The following PHRF1 variants were observed in gnomAD, a reference collection of about 807,000 sequenced individuals.
The protein encoded by PHRF1 is PHD and ring finger domains 1.
In PHRF1, 53 loss-of-function variants were observed where a neutral mutation model predicts 128.9. The observed-to-expected ratio is 0.41, with a 90% CI of 0.33 to 0.52. PHRF1 has a LOEUF of 0.52. Ranked by LOEUF, PHRF1 falls within the 20% of genes least tolerant of loss-of-function variation. The probability of loss-of-function intolerance (pLI) is 0.21; values close to 1 mark genes in which losing one functional copy is unlikely to be tolerated. For synonymous variants in PHRF1, 1,178 were observed against 980.6 expected, an observed-to-expected ratio of 1.20 and a Z score of -3.76; for missense variants, 2,503 against 2,284.5, an observed-to-expected ratio of 1.10 and a Z score of -1.95.
chr11:610,389 C>T (rs781534868), intron 15 of PHRF1, 42 bp downstream of exon 15: 7 of 1,536,504 alleles, frequency 4.6e-6, no homozygotes, highest in South Asian at 3.7e-5. Flanking sequence ...TGGGCAGTGG[C>T]CTGGCACCCG....
intron 1 of PHRF1, among the ~76,000 whole-genome samples, chr11:580,870 G>A (rs951031167): frequency 6.6e-6 from 1 of 152,098 alleles, no homozygotes; most frequent in African/African-American, 2.4e-5. Flanking sequence ...TGTATTTTTA[G>A]TAGAGACGGG....
rs2134142410 is a variant in PHRF1 at position 576,570 on chromosome 11, G to C, written c.-44G>C. On this transcript the variant is annotated 5_prime_UTR_variant, in exon 1 of 18. Coordinates refer to ENST00000264555, the MANE Select transcript of PHRF1 (RefSeq NM_001286581.2). ...CAGCGGCGGCGAGCGCTCGCGAGCG[G>C]CTGCGGGACGCGAGGTTTCCGGGTA... 1 of 152,066 alleles carries C rather than the reference G, an allele frequency of 6.6e-6. No individual in the cohort carries two copies. Among genetic ancestry groups the C allele is most frequent in the Non-Finnish European group, 1.5e-5 (1 of 67,838 alleles). The allele number at this position is 152,066 out of a possible 1,614,324, so 9.4% of individuals were successfully genotyped here. A position where few individuals can be genotyped will look rare whatever the true frequency, so the allele number is the denominator to read the frequency against.
At position 587,450 on chromosome 11, in the gene PHRF1, G is replaced by A. The variant is rs1356521012; in HGVS notation, c.406G>A (p.Val136Ile). ...CAHYFCLDCI[V>I]EWSKNANSCP... is the part of the protein sequence containing the mutation. ...CCATTACTTCTGCCTGGACTGCATT[G>A]TCGAATGGTCCAAGGTGAGTTCACC... is the stretch of plus-strand genomic sequence containing the variant. Residue 136 changes from valine to isoleucine, a missense_variant, in exon 4 of 18, where the codon GTC becomes ATC. Physicochemically the swap from Val to Ile is conservative, Grantham distance 29 (BLOSUM62 3). Coordinates refer to ENST00000264555, the MANE Select transcript of PHRF1 (RefSeq NM_001286581.2). 6.2e-7 allele frequency: 1 copy of A among 1,613,258 alleles called. No individual in the cohort carries two copies. Among genetic ancestry groups the A allele is most frequent in the East Asian group, 2.2e-5 (1 of 44,882 alleles).
At position 605,252 on chromosome 11, in the gene PHRF1, C is replaced by T; in HGVS notation, c.1286C>T (p.Ala429Val). 6.2e-7 allele frequency: 1 copy of T among 1,613,682 alleles called. No homozygotes were observed. Among genetic ancestry groups the T allele is most frequent in the Non-Finnish European group, 8.5e-7 (1 of 1,179,878 alleles). Residue 429 changes from alanine (A) to valine (V), a missense_variant, in exon 11 of 18, where the codon GCC (alanine) becomes GTC (valine). Transcript: ENST00000264555. ...LGLLRADIGA[A>V]SLSLFGDPYE... ...CTGCTGAGAGCGGATATTGGAGCTG[C>T]CTCTCTGTCTCTGTTTGGAGATCCT...
chr11:578,722 C>T (rs931612823), intron 1 of PHRF1, among the ~76,000 whole-genome samples: 8 of 152,212 alleles, frequency 5.3e-5, no homozygotes, highest in Admixed American at 3.3e-4. Flanking sequence ...GTTTCCACCA[C>T]ACCTACCTGG....
intron 17 of PHRF1, among the ~76,000 whole-genome samples, 165 bp from the exon 18 acceptor site, chr11:611,469 G>A (rs1856395804): frequency 6.6e-6 from 1 of 152,218 alleles, no homozygotes; most frequent in Admixed American, 6.5e-5. Flanking sequence ...GAACAGGACG[G>A]GGGTCTCACA....
rs775904268 is a variant in PHRF1 at position 581,586 on chromosome 11, C to T, written c.74C>T (p.Ala25Val). 4.9e-5 allele frequency: 79 copies of T among 1,612,668 alleles called. No homozygotes were observed. Among genetic ancestry groups the T allele is most frequent in the Non-Finnish European group, 6.4e-5 (75 of 1,179,636 alleles). ...GPDGHPQVGP[A>V]DPAGDFEESS... ...GATGGACACCCACAGGTCGGCCCTG[C>T]GGACCCGGCAGGTGACTTTGGTGAG... Residue 25 changes from alanine (A) to valine (V), a missense_variant, in exon 2 of 18, where the codon GCG (alanine) becomes GTG (valine). Physicochemically the swap from Ala to Val is moderately conservative, Grantham distance 64 (BLOSUM62 0). Coordinates refer to ENST00000264555, the MANE Select transcript of PHRF1 (RefSeq NM_001286581.2).
Position 608,800 on chromosome 11 carries a change from C to T in PHRF1, c.3344C>T (p.Ala1115Val), listed in dbSNP as rs201121933. Reference protein sequence around the residue: ...ESRKKKKRRSASRPRGRECSP... With the variant: ...ESRKKKKRRSVSRPRGRECSP... ...AGGAAGAAGAAGAAAAGGAGATCAG[C>T]GTCCAGACCTCGGGGAAGGGAGTGC... Residue 1115 changes from alanine (A) to valine (V), a missense_variant, in exon 14 of 18, where the codon GCG becomes GTG. By Grantham distance (64) the Ala-to-Val change is moderately conservative. Transcript: ENST00000264555. 6.5e-5 allele frequency: 104 copies of T among 1,611,850 alleles called. No individual in the cohort carries two copies. The Admixed American group carries it at 1.5e-3, about 22-fold the overall frequency.
At chr11:578,242 G>T (rs1479526025) in intron 1 of PHRF1, among the ~76,000 whole-genome samples, 1 of 152,176 alleles carries the variant, frequency 6.6e-6, no homozygotes, top group Non-Finnish European at 1.5e-5. Context: ...AGGCTTCCTG[G>T]GTTATTTTGT....
In PHRF1 at chr11:611,804, G is replaced by A; in HGVS notation, c.*27G>A. The A allele has an allele frequency of 6.4e-7, 1 of 1,569,784 alleles. No individual in the cohort carries two copies. The highest frequency in any genetic ancestry group is 2.3e-5 in the East Asian group (1 of 42,558). On this transcript the variant is annotated 3_prime_UTR_variant, in exon 18 of 18. Transcript: ENST00000264555. ...GCCAGGCAATCACGGGCTATGCCCGGGGAGCTGTCGGGAGTGGCGGGAATC... is the reference window on the plus strand; with the variant it reads ...GCCAGGCAATCACGGGCTATGCCCGAGGAGCTGTCGGGAGTGGCGGGAATC...
intron 1 of PHRF1, among the ~76,000 whole-genome samples, chr11:578,454 A>T (rs1459431322): frequency 3.3e-5 from 5 of 152,096 alleles, no homozygotes; most frequent in Non-Finnish European, 7.4e-5. Context: ...GTTCAGCCTC[A>T]TTCCTGAGCT....
At chr11:586,011 G>C (rs181245966) in intron 3 of PHRF1, among the ~76,000 whole-genome samples, 3 of 151,884 alleles carry the variant, frequency 2.0e-5, no homozygotes, top group Non-Finnish European at 4.4e-5. Flanking sequence ...ACAGGCACAC[G>C]CCACCACACC....
chr11:581,972 C>T lies in PHRF1; in HGVS notation c.105C>T (p.Ser35=), dbSNP rs979672038. The T allele has an allele frequency of 1.2e-5, 20 of 1,600,104 alleles. No homozygotes were observed. The East Asian group carries it at 2.3e-4, about 18-fold the overall frequency. ...ADPAGDFEES[S]VGSSGDSGDD... ...CACCCTGGTGTCTAGAAGAAAGCAG[C>T]GTGGGCAGCAGTGGGGACTCTGGGG... Residue 35 remains serine (S), a synonymous_variant, in exon 3 of 18, where the codon AGC becomes AGT. Coordinates refer to ENST00000264555, the MANE Select transcript of PHRF1 (RefSeq NM_001286581.2).
chr11:594,742 G>T (rs978218444), intron 6 of PHRF1, among the ~76,000 whole-genome samples: 1 of 152,220 alleles, frequency 6.6e-6, no homozygotes, highest in Non-Finnish European at 1.5e-5. Flanking sequence ...GATTAAAGGC[G>T]TGAGCCACTA....
rs1190526054 is a variant in PHRF1 at position 610,054 on chromosome 11, T to C, written c.4265-142T>C. ...CTAGGAGCTGGCACACCTCGCAACC[T>C]CCCCTTGGTGCTGGGGGTGGATCTG... On this transcript the variant is annotated intron_variant, in intron 14 of 17. Transcript: ENST00000264555. 7 of 1,127,310 alleles carry C rather than the reference T, an allele frequency of 6.2e-6. No individual in the cohort carries two copies. In the South Asian group the frequency reaches 1.1e-4, roughly 17 times the overall value. 69.8% of individuals were successfully genotyped at this position (1,127,310 alleles called of 1,614,324 possible). A position where few individuals can be genotyped will look rare whatever the true frequency, so the allele number is the denominator to read the frequency against.
chr11:579,768 T>G lies in PHRF1; in HGVS notation c.-21-1724T>G, dbSNP rs140162417. On this transcript the variant is annotated intron_variant, in intron 1 of 17. Transcript: ENST00000264555. ...CAAAACTACTTCTACAATCGCTGTT[T>G]CCAGGCAGTAGTAAGATTTGGCAGT... Among the ~76,000 whole-genome samples the G allele has an allele frequency of 4.4e-3, 675 of 152,360 alleles. 6 individuals are homozygous for G. Among genetic ancestry groups the G allele is most frequent in the Middle Eastern group, 0.02 (6 of 294 alleles).
chr11:590,182 G>A (rs570049783), intron 4 of PHRF1, among the ~76,000 whole-genome samples: 42 of 152,364 alleles, frequency 2.8e-4, no homozygotes, highest in Non-Finnish European at 3.7e-4. Context: ...GGGTGCTGCC[G>A]CACACCCCTG....
rs1357169695 is a variant in PHRF1 at position 610,197 on chromosome 11, G to A, written c.4266G>A (p.Arg1422=). 1.3e-6 allele frequency: 2 copies of A among 1,512,202 alleles called. No homozygotes were observed. The highest frequency in any genetic ancestry group is 8.9e-7 in the Non-Finnish European group (1 of 1,124,374). 93.7% of individuals were successfully genotyped at this position (1,512,202 alleles called of 1,614,324 possible). Residue 1422 remains arginine (R), a splice_region_variant and synonymous_variant, in exon 15 of 18, where the codon CGG becomes CGA. Coordinates refer to ENST00000264555, the MANE Select transcript of PHRF1 (RefSeq NM_001286581.2). ...CCTCCCTGTCTGTCGGGCCCCCAGG[G>A]GCACCACTTCACAGGCCACAGAAGC... is the stretch of plus-strand genomic sequence containing the variant. The part of the protein sequence containing the change: ...SSAPAEDRAP[R]APLHRPQKPR...
At chr11:599,248 CTTTTCTTTTTTTTTTTT>C (rs1440048775) in intron 9 of PHRF1, among the ~76,000 whole-genome samples, 11 of 124,740 alleles carry the variant, frequency 8.8e-5, no homozygotes, top group Non-Finnish European at 1.5e-4. Context: ...TTTTTTTTTT[CTTTTCTTTTTTTTTTTT>C]TTTTTTTGAG....
Sources: allele counts gnomAD v4.1 joint callset (sites outside exome capture counted in the v4.1 genomes callset), GRCh38; gene constraint gnomAD v4.1.1; transcripts MANE v1.5; gene names NCBI Gene and HGNC (gene_info 2026-07-23, HGNC 2026-07-21).